Variants in TMEM132D observed in about 807,000 individuals in gnomAD.
TMEM132D encodes mature OL transmembrane protein.
In TMEM132D, 21 loss-of-function variants were observed where a neutral mutation model predicts 62.3. The observed-to-expected ratio is 0.34, with a 90% CI of 0.24 to 0.49. The LOEUF (loss-of-function observed/expected upper bound fraction) is 0.49, where lower values mean the gene tolerates loss of function less well. Among genes scored for constraint, TMEM132D ranks in the 20% least tolerant of loss-of-function variants. TMEM132D has a pLI of 0.99. For missense variants in TMEM132D, 1,346 were observed against 1,402.8 expected, an observed-to-expected ratio of 0.96 and a Z score of 0.65; for synonymous variants, 621 against 575.6, an observed-to-expected ratio of 1.08 and a Z score of -1.13.
chr12:129,373,798 A>G (rs546520933), intron 3 of TMEM132D, among the ~76,000 whole-genome samples: 6 of 152,346 alleles, frequency 3.9e-5, no homozygotes, highest in African/African-American at 1.4e-4. Flanking sequence ...TGCATCCTTA[A>G]AAACTCCAAG....
chr12:129,502,093 G>A (rs937495577), intron 3 of TMEM132D, among the ~76,000 whole-genome samples: 10 of 151,732 alleles, frequency 6.6e-5, no homozygotes, highest in South Asian at 2.1e-4. Context: ...TCCGCCTCCC[G>A]GGTTCACACC....
At chr12:129,520,220 G>A (rs576416320) in intron 3 of TMEM132D, among the ~76,000 whole-genome samples, 1 of 152,236 alleles carries the variant, frequency 6.6e-6, no homozygotes, top group South Asian at 2.1e-4. Context: ...TAGCTGGAGA[G>A]AACAATAGTA....
intron 5 of TMEM132D, among the ~76,000 whole-genome samples, chr12:129,126,722 C>T (rs893099936): frequency 6.6e-6 from 1 of 152,170 alleles, no homozygotes. Context: ...AATACATTTT[C>T]CAGGAGTCAG....
intron 1 of TMEM132D, among the ~76,000 whole-genome samples, chr12:129,720,503 A>G (rs932785503): frequency 1.3e-5 from 2 of 152,228 alleles, no homozygotes; most frequent in African/African-American, 4.8e-5. Context: ...TGATTGAATT[A>G]CTTTCAAAGG....
At chr12:129,760,859 T>C (rs1593151310) in intron 1 of TMEM132D, among the ~76,000 whole-genome samples, 1 of 152,176 alleles carries the variant, frequency 6.6e-6, no homozygotes, top group African/African-American at 2.4e-5. Context: ...CCCCTCCGTG[T>C]GTCCGTGTGT....
intron 4 of TMEM132D, among the ~76,000 whole-genome samples, chr12:129,216,415 T>C (rs551443219): frequency 1.1e-4 from 17 of 152,190 alleles, no homozygotes; most frequent in South Asian, 2.1e-4. Context: ...GGTGGGATTG[T>C]GGGTGTCCTT....
intron 5 of TMEM132D, among the ~76,000 whole-genome samples, chr12:129,158,388 A>G (rs1465319264): frequency 2.0e-5 from 3 of 151,382 alleles, no homozygotes; most frequent in East Asian, 3.9e-4. Flanking sequence ...TTTTTGAGAA[A>G]AAAAAAATAA....
At chr12:129,698,680 A>G (rs1310860853) in intron 2 of TMEM132D, among the ~76,000 whole-genome samples, 1 of 2,836 alleles carries the variant, frequency 3.5e-4, no homozygotes. Context: ...GGGGGAGGAG[A>G]TGGGGAGGGG....
At chr12:129,821,201 G>A (rs1025439695) in intron 1 of TMEM132D, among the ~76,000 whole-genome samples, 28 of 152,068 alleles carry the variant, frequency 1.8e-4, no homozygotes, top group South Asian at 4.1e-4. Context: ...TTCTCTCACC[G>A]CAGGACTTAG....
At chr12:129,672,645 G>A (rs764582810) in intron 2 of TMEM132D, among the ~76,000 whole-genome samples, 3 of 152,172 alleles carry the variant, frequency 2.0e-5, no homozygotes, top group Non-Finnish European at 4.4e-5. Flanking sequence ...GAGATTACAC[G>A]ATTTAAGAGT....
At chr12:129,220,036 C>T (rs1233781128) in intron 4 of TMEM132D, among the ~76,000 whole-genome samples, 1 of 152,192 alleles carries the variant, frequency 6.6e-6, no homozygotes, top group South Asian at 2.1e-4. Flanking sequence ...ACCCATTCCT[C>T]AAAACATCTT....
chr12:129,124,765 C>T (rs943875633), intron 5 of TMEM132D, among the ~76,000 whole-genome samples: 3 of 152,162 alleles, frequency 2.0e-5, no homozygotes, highest in African/African-American at 4.8e-5. Context: ...AATGAATTTG[C>T]GGTGAACATC....
At position 129,659,799 on chromosome 12, in the gene TMEM132D, G is replaced by C. The variant is rs1880190191; in HGVS notation, c.968+40011C>G. ...TAAAAAATAGCTATTTTAGAGAATG[G>C]ATTTATTTAATGGTATTCTCTAAAT... is the stretch of plus-strand genomic sequence containing the variant. On this transcript the variant is annotated intron_variant, in intron 2 of 8. Coordinates refer to ENST00000422113, the MANE Select transcript of TMEM132D (RefSeq NM_133448.3). Among the ~76,000 whole-genome samples, 3 of 152,140 alleles carry C rather than the reference G, an allele frequency of 2.0e-5. No homozygotes were observed. The South Asian group carries it at 6.2e-4, about 32-fold the overall frequency.
intron 1 of TMEM132D, among the ~76,000 whole-genome samples, chr12:129,842,239 C>T (rs796142095): frequency 2.0e-5 from 3 of 151,882 alleles, no homozygotes; most frequent in African/African-American, 4.8e-5. Context: ...TGAGCCACCG[C>T]GCCCGGCCAG....
chr12:129,756,272 A>G (rs942281863), intron 1 of TMEM132D, among the ~76,000 whole-genome samples: 1 of 152,186 alleles, frequency 6.6e-6, no homozygotes, highest in Non-Finnish European at 1.5e-5. Flanking sequence ...AGTGGGTTAA[A>G]TGTCCTTACC....
At chr12:129,658,293 C>G (rs1450815455) in intron 2 of TMEM132D, among the ~76,000 whole-genome samples, 2 of 152,150 alleles carry the variant, frequency 1.3e-5, no homozygotes, top group Non-Finnish European at 2.9e-5. Flanking sequence ...ATAAAGTAAC[C>G]TAGAAATGTC....
intron 1 of TMEM132D, among the ~76,000 whole-genome samples, chr12:129,883,066 G>A (rs1324415681): frequency 6.6e-6 from 1 of 152,010 alleles, no homozygotes; most frequent in Non-Finnish European, 1.5e-5. Context: ...AAGAAGGAGG[G>A]GTGTGGACAG....
rs148148728 is a variant in TMEM132D, at chr12:129,225,592, T to C, written c.1300-15929A>G. ...GAAAAACAAGGTTCCAAGTAGTATC[T>C]ACCACAGAGAGTTCTTATGCGGATC... is the stretch of plus-strand genomic sequence containing the variant. On this transcript the variant is annotated intron_variant, in intron 4 of 8. Transcript: ENST00000422113. Among the ~76,000 whole-genome samples the C allele has an allele frequency of 8.5e-5, 13 of 152,346 alleles. No individual in the cohort carries two copies. In the East Asian group the frequency reaches 2.5e-3, roughly 29 times the overall value.
chr12:129,486,145 C>G (rs942064514), intron 3 of TMEM132D, among the ~76,000 whole-genome samples: 1 of 152,236 alleles, frequency 6.6e-6, no homozygotes, highest in East Asian at 1.9e-4. Flanking sequence ...TATTACCTGT[C>G]CTCTTCCTCA....
Sources: allele counts gnomAD v4.1 joint callset (sites outside exome capture counted in the v4.1 genomes callset), GRCh38; gene constraint gnomAD v4.1.1; transcripts MANE v1.5; gene names NCBI Gene and HGNC (gene_info 2026-07-23, HGNC 2026-07-21).